The following LDB2 variants were observed in gnomAD, a reference collection of about 807,000 sequenced individuals.
The protein encoded by LDB2 is LIM domain-binding protein 2.
A neutral mutation model predicts 44.3 loss-of-function variants in LDB2; 12 were observed. The ratio of observed to expected loss-of-function variants is 0.27; its 90% CI spans 0.17 to 0.44. The LOEUF (loss-of-function observed/expected upper bound fraction) is 0.44. Among genes scored for constraint, LDB2 ranks in the 20% least tolerant of loss-of-function variants. The pLI is 1.00. For missense variants in LDB2, 344 were observed against 473.5 expected (o/e 0.73, Z 2.54); for synonymous variants, 164 against 174.8 (o/e 0.94, Z 0.49).
chr4:16,544,272 G>A (rs1460085189), intron 5 of LDB2, among the ~76,000 whole-genome samples: 1 of 152,196 alleles, frequency 6.6e-6, no homozygotes, highest in African/African-American at 2.4e-5. Context: ...AGCCGAGGAT[G>A]TGGGGACTGC....
chr4:16,796,993 G>A (rs752380147), intron 1 of LDB2, among the ~76,000 whole-genome samples: 20 of 152,278 alleles, frequency 1.3e-4, no homozygotes, highest in South Asian at 2.1e-4. Context: ...CAAATGCAAC[G>A]TGGTATTGTG....
At chr4:16,638,670 T>C (rs927330857) in intron 2 of LDB2, among the ~76,000 whole-genome samples, 2 of 152,220 alleles carry the variant, frequency 1.3e-5, no homozygotes, top group Non-Finnish European at 2.9e-5. Flanking sequence ...CTCCTTTCAT[T>C]GATGTATTCA....
chr4:16,628,390 C>G (rs1174351035), intron 2 of LDB2, among the ~76,000 whole-genome samples: 2 of 151,920 alleles, frequency 1.3e-5, no homozygotes, highest in African/African-American at 4.8e-5. Flanking sequence ...AGAAGCTCAC[C>G]ATCTATTCAG....
At chr4:16,726,840 A>G (rs933493994) in intron 2 of LDB2, among the ~76,000 whole-genome samples, 1 of 152,148 alleles carries the variant, frequency 6.6e-6, no homozygotes, top group African/African-American at 2.4e-5. Context: ...TCCCAAATCT[A>G]TTTTCACACA....
chr4:16,716,387 T>C (rs2152672861), intron 2 of LDB2, among the ~76,000 whole-genome samples: 1 of 152,314 alleles, frequency 6.6e-6, no homozygotes, highest in African/African-American at 2.4e-5. Flanking sequence ...AGTGGAGAAT[T>C]TGTTTAGGGA....
At chr4:16,846,985 G>A (rs184416761) in intron 1 of LDB2, among the ~76,000 whole-genome samples, 1 of 152,130 alleles carries the variant, frequency 6.6e-6, no homozygotes, top group Non-Finnish European at 1.5e-5. Flanking sequence ...CTGAGAGCTG[G>A]AGAAGACTCC....
intron 2 of LDB2, among the ~76,000 whole-genome samples, chr4:16,718,039 G>A (rs1245416268): frequency 6.6e-6 from 1 of 152,096 alleles, no homozygotes; most frequent in African/African-American, 2.4e-5. Context: ...TCAAAATGCG[G>A]ATCCCAGGGT....
chr4:16,605,998 G>C (rs1007728358), intron 2 of LDB2, among the ~76,000 whole-genome samples: 2 of 152,174 alleles, frequency 1.3e-5, no homozygotes, highest in Non-Finnish European at 2.9e-5. Context: ...AAGTAAAACA[G>C]TTACCAGTAA....
intron 1 of LDB2, among the ~76,000 whole-genome samples, chr4:16,831,477 T>C (rs1208215109): frequency 6.6e-6 from 1 of 152,042 alleles, no homozygotes; most frequent in East Asian, 1.9e-4. Flanking sequence ...AAGCAAAAAG[T>C]CCCTATGGTG....
intron 2 of LDB2, among the ~76,000 whole-genome samples, chr4:16,730,202 T>C (rs1009853465): frequency 1.3e-5 from 2 of 152,240 alleles, no homozygotes; most frequent in Admixed American, 6.5e-5. Flanking sequence ...TAGGGGGATC[T>C]TGAGATTCCC....
intron 1 of LDB2, among the ~76,000 whole-genome samples, chr4:16,869,145 ATTATT>A (rs903177134): frequency 3.3e-5 from 5 of 152,094 alleles, no homozygotes; most frequent in Non-Finnish European, 7.4e-5. Flanking sequence ...TGTTATTATT[ATTATT>A]TTAATTATCC....
At chr4:16,665,926 A>C (rs1743030466) in intron 2 of LDB2, among the ~76,000 whole-genome samples, 1 of 152,204 alleles carries the variant, frequency 6.6e-6, no homozygotes, top group African/African-American at 2.4e-5. Flanking sequence ...GATTGAAGTG[A>C]TGGAGCTACA....
At chr4:16,560,760 AC>A (rs1741825936) in intron 5 of LDB2, among the ~76,000 whole-genome samples, 1 of 152,192 alleles carries the variant, frequency 6.6e-6, no homozygotes, top group Non-Finnish European at 1.5e-5. Context: ...CAGAGACACA[AC>A]CAAAAAAGAG....
chr4:16,819,075 G>C (rs1039921286), intron 1 of LDB2, among the ~76,000 whole-genome samples: 1 of 142,318 alleles, frequency 7.0e-6, no homozygotes, highest in Non-Finnish European at 1.5e-5. Context: ...TGAATCTTTC[G>C]TTTCAGTTGT....
intron 1 of LDB2, 133 bp from the exon 2 acceptor site, chr4:16,759,393 G>A: frequency 1.5e-6 from 1 of 650,426 alleles, no homozygotes; most frequent in Admixed American, 2.7e-5. Flanking sequence ...GGTGTTCTAG[G>A]AAAGGGTAGG....
At chr4:16,580,067 G>A (rs191382136) in intron 5 of LDB2, among the ~76,000 whole-genome samples, 353 of 152,300 alleles carry the variant, frequency 2.3e-3, no homozygotes, top group Non-Finnish European at 4.0e-3. Context: ...TGGGAAAATT[G>A]GATGATGAGA....
At chr4:16,593,410 T>A (rs1719785526) in intron 3 of LDB2, among the ~76,000 whole-genome samples, 1 of 151,550 alleles carries the variant, frequency 6.6e-6, no homozygotes, top group African/African-American at 2.4e-5. Context: ...TTTTAATTAA[T>A]ATAAGAAAAA....
chr4:16,769,062 C>T (rs1474254796), intron 1 of LDB2, among the ~76,000 whole-genome samples: 1 of 152,154 alleles, frequency 6.6e-6, no homozygotes, highest in African/African-American at 2.4e-5. Flanking sequence ...GTTGTTTCAA[C>T]ATCCAGTCAA....
At chr4:16,634,299 A>G (rs1467648428) in intron 2 of LDB2, among the ~76,000 whole-genome samples, 1 of 131,774 alleles carries the variant, frequency 7.6e-6, no homozygotes, top group East Asian at 2.2e-4. Context: ...GCACGGCCAA[A>G]AAAAAAAAAA....
Sources: allele counts gnomAD v4.1 joint callset (sites outside exome capture counted in the v4.1 genomes callset), GRCh38; gene constraint gnomAD v4.1.1; transcripts MANE v1.5; gene names NCBI Gene and HGNC (gene_info 2026-07-23, HGNC 2026-07-21).